The following CDYL2 variants were observed in gnomAD, a reference collection of about 807,000 sequenced individuals.
The protein encoded by CDYL2 is chromodomain Y like 2.
In CDYL2, 23 loss-of-function variants were observed where a neutral mutation model predicts 49.4. That is an observed-to-expected ratio of 0.47 (90% confidence interval 0.34 to 0.66). The LOEUF (loss-of-function observed/expected upper bound fraction) is 0.66. Ranked by LOEUF, CDYL2 falls within the 30% of genes least tolerant of loss-of-function variation. The pLI, the probability that CDYL2 is intolerant of heterozygous loss-of-function variation, is 0.01. For missense variants in CDYL2, 678 were observed against 656.4 expected (o/e 1.03, Z -0.36); for synonymous variants, 360 against 268.8 (o/e 1.34, Z -3.32).
chr16:80,608,465 T>C (rs1906444919), intron 5 of CDYL2, among the ~76,000 whole-genome samples: 1 of 152,174 alleles, frequency 6.6e-6, no homozygotes, highest in Non-Finnish European at 1.5e-5. Context: ...GCTGTGTATT[T>C]ACTGTGACTC....
In CDYL2 at chr16:80,791,590, T is replaced by C. The variant is rs562399566; in HGVS notation, c.24+12560A>G. On this transcript the variant is annotated intron_variant, in intron 1 of 6. Coordinates refer to ENST00000570137, the MANE Select transcript of CDYL2 (RefSeq NM_152342.4). The stretch of plus-strand genomic sequence containing the variant: ...AGCTTGCCAAGAATAACACATAAGC[T>C]GAGATCTGAAGTGAGTAGGAATTAA... 2.0e-5 allele frequency among the ~76,000 whole-genome samples: 3 copies of C among 152,252 alleles called. No individual in the cohort carries two copies. In the South Asian group the frequency reaches 6.2e-4, roughly 32 times the overall value.
At chr16:80,785,567 C>T (rs1369931715) in intron 1 of CDYL2, among the ~76,000 whole-genome samples, 1 of 152,116 alleles carries the variant, frequency 6.6e-6, no homozygotes, top group Non-Finnish European at 1.5e-5. Context: ...AATGCTATCC[C>T]CATCAAGCTA....
At chr16:80,704,552 A>T (rs1310008576) in intron 1 of CDYL2, among the ~76,000 whole-genome samples, 2 of 152,232 alleles carry the variant, frequency 1.3e-5, no homozygotes, top group African/African-American at 4.8e-5. Context: ...TCTAGACAAA[A>T]GGAAAGACGT....
At chr16:80,783,234 A>T (rs999027478) in intron 1 of CDYL2, among the ~76,000 whole-genome samples, 21 of 152,212 alleles carry the variant, frequency 1.4e-4, no homozygotes, top group African/African-American at 5.1e-4. Flanking sequence ...TCCAAAGAAC[A>T]CATACAGATG....
At chr16:80,669,079 C>T (rs11643733) in intron 2 of CDYL2, among the ~76,000 whole-genome samples, 67,230 of 151,580 alleles carry the variant, frequency 0.44, 18,462 homozygotes, top group Middle Eastern at 0.69. Context: ...AGATATACCA[C>T]ACTGACAAAT....
At chr16:80,669,748 G>A (rs1236647886) in intron 2 of CDYL2, among the ~76,000 whole-genome samples, 1 of 152,204 alleles carries the variant, frequency 6.6e-6, no homozygotes, top group African/African-American at 2.4e-5. Context: ...CATGGTCGCT[G>A]CAAAAGCTCC....
intron 1 of CDYL2, among the ~76,000 whole-genome samples, chr16:80,742,896 AGAAT>A (rs1282716446): frequency 1.4e-5 from 2 of 147,836 alleles, no homozygotes; most frequent in South Asian, 2.2e-4. Flanking sequence ...GGATGGAAAA[AGAAT>A]GGATGGATGG....
At chr16:80,727,037 G>C (rs1349609759) in intron 1 of CDYL2, among the ~76,000 whole-genome samples, 2 of 152,236 alleles carry the variant, frequency 1.3e-5, no homozygotes, top group South Asian at 2.1e-4. Flanking sequence ...AGTGAGCCAT[G>C]ACTGTGCCTG....
rs544289468 is a variant in CDYL2, at chr16:80,752,041, A to G, written c.24+52109T>C. Among the ~76,000 whole-genome samples, 6 of 152,346 alleles carry G rather than the reference A, an allele frequency of 3.9e-5. No individual in the cohort carries two copies. The East Asian group carries it at 1.2e-3, about 29-fold the overall frequency. On this transcript the variant is annotated intron_variant, in intron 1 of 6. Transcript: ENST00000570137. Reference sequence around the variant, plus strand: ...TAAATCCACAGAAGATATAAATACTAGAATTGTCAAATATAACCTTTAAAA... The same window carrying G: ...TAAATCCACAGAAGATATAAATACTGGAATTGTCAAATATAACCTTTAAAA...
intron 1 of CDYL2, among the ~76,000 whole-genome samples, chr16:80,733,185 A>T (rs776993219): frequency 5.3e-5 from 8 of 152,170 alleles, no homozygotes; most frequent in Non-Finnish European, 1.2e-4. Flanking sequence ...TTAGGAGGAG[A>T]CAAAGAAGTT....
chr16:80,717,256 G>C (rs1303423901), intron 1 of CDYL2, among the ~76,000 whole-genome samples: 4 of 152,190 alleles, frequency 2.6e-5, no homozygotes, highest in Non-Finnish European at 4.4e-5. Flanking sequence ...AGGCCCAGCA[G>C]CTTCACCTTC....
intron 1 of CDYL2, among the ~76,000 whole-genome samples, chr16:80,724,343 G>C (rs940758735): frequency 5.3e-5 from 8 of 151,948 alleles, no homozygotes; most frequent in African/African-American, 1.9e-4. Context: ...GGAGGAGGAA[G>C]AAATGGAGTA....
intron 1 of CDYL2, among the ~76,000 whole-genome samples, chr16:80,750,281 C>T (rs1906085273): frequency 1.3e-5 from 2 of 149,924 alleles, no homozygotes; most frequent in Non-Finnish European, 3.0e-5. Flanking sequence ...GCACAAAGTA[C>T]AAAAAGCAAA....
intron 1 of CDYL2, among the ~76,000 whole-genome samples, chr16:80,756,771 A>G (rs1444374464): frequency 2.6e-5 from 4 of 152,134 alleles, no homozygotes; most frequent in Non-Finnish European, 5.9e-5. Flanking sequence ...TTTTAAATCC[A>G]CTAGTATAAC....
At chr16:80,702,744 T>C (rs1315050203) in intron 1 of CDYL2, among the ~76,000 whole-genome samples, 1 of 152,160 alleles carries the variant, frequency 6.6e-6, no homozygotes, top group Non-Finnish European at 1.5e-5. Context: ...AGTAAGACCC[T>C]GTGGACAGGT....
intron 1 of CDYL2, among the ~76,000 whole-genome samples, chr16:80,764,404 G>T (rs1043338953): frequency 6.6e-6 from 1 of 152,114 alleles, no homozygotes; most frequent in Non-Finnish European, 1.5e-5. Context: ...CAAGAGTACA[G>T]TGTCACAATC....
rs1555503997 is a variant in CDYL2, at chr16:80,804,566, G to GCGCCCGC, written c.-400_-394dup. On this transcript the variant is annotated 5_prime_UTR_variant, in exon 1 of 7. Transcript: ENST00000570137. ...GGCGCCGCCTGCAGGAAGCCGCCCGGCGCCCGCCGCCGGCCCGGACGCTGC... is the reference window on the plus strand; with the variant it reads ...GGCGCCGCCTGCAGGAAGCCGCCCGGCGCCCGCCGCCCGCCGCCGGCCCGGACGCTGC... 7.0e-6 allele frequency among the ~76,000 whole-genome samples: 1 copy of GCGCCCGC among 143,840 alleles called. No individual in the cohort carries two copies. Among genetic ancestry groups the GCGCCCGC allele is most frequent in the Non-Finnish European group, 1.5e-5 (1 of 64,834 alleles). 94.4% of individuals were successfully genotyped at this position (143,840 alleles called of 152,430 possible).
intron 3 of CDYL2, among the ~76,000 whole-genome samples, chr16:80,626,425 G>C (rs539433454): frequency 6.6e-6 from 1 of 152,158 alleles, no homozygotes; most frequent in Non-Finnish European, 1.5e-5. Flanking sequence ...TAATATTGTA[G>C]AGGATGAGAG....
chr16:80,707,690 C>G (rs1433794755), intron 1 of CDYL2, among the ~76,000 whole-genome samples: 1 of 152,040 alleles, frequency 6.6e-6, no homozygotes, highest in Non-Finnish European at 1.5e-5. Flanking sequence ...AGTCATAATC[C>G]TTTCCTAGTT....
Sources: gnomAD v4.1 joint callset for allele counts (sites outside exome capture counted in the v4.1 genomes callset) on GRCh38, gnomAD v4.1.1 for gene constraint, MANE v1.5 for transcripts, NCBI Gene and HGNC (gene_info 2026-07-23, HGNC 2026-07-21) for gene names.